Variants in TENM3 observed in about 807,000 individuals in gnomAD.
TENM3 encodes the protein teneurin-3.
In TENM3, 63 loss-of-function variants were observed where a neutral mutation model predicts 255.1. The observed-to-expected ratio is 0.25, with a 90% CI of 0.20 to 0.30. The LOEUF (loss-of-function observed/expected upper bound fraction) is 0.30. Ranked by LOEUF, TENM3 falls within the 10% of genes least tolerant of loss-of-function variation. TENM3 has a pLI of 1.00. For synonymous variants in TENM3, 1,306 were observed against 1,322.3 expected (o/e 0.99, Z 0.27); for missense variants, 2,929 against 3,461.1 (o/e 0.85, Z 3.86).
the TENM3 span, chr4:181,876,933 TAAAG>T: frequency 2.6e-5 from 4 of 152,076 alleles, no homozygotes; most frequent in Non-Finnish European, 4.4e-5. Context: ...AAAAGAAAAA[TAAAG>T]AAATAATTAT....
chr4:182,682,517 A>G (rs979254395), intron 11 of TENM3, among the ~76,000 whole-genome samples: 2 of 152,200 alleles, frequency 1.3e-5, no homozygotes, highest in Non-Finnish European at 2.9e-5. Flanking sequence ...AAGACAAGGT[A>G]ATTTCATTCA....
intron 1 of TENM3, among the ~76,000 whole-genome samples, chr4:182,159,383 G>A (rs1005500164): frequency 7.2e-5 from 11 of 152,132 alleles, no homozygotes; most frequent in African/African-American, 2.4e-4. Context: ...AAGATGAAAT[G>A]AGCTAACACA....
At chr4:182,629,002 G>C (rs893126996) in intron 5 of TENM3, 113 bp downstream of exon 5, 4 of 688,022 alleles carry the variant, frequency 5.8e-6, no homozygotes, top group Non-Finnish European at 9.7e-6. Context: ...TATTTGGTGG[G>C]GGTGAGTTTG....
intron 3 of TENM3, among the ~76,000 whole-genome samples, chr4:182,437,599 C>A (rs1279509762): frequency 3.3e-5 from 5 of 152,116 alleles, no homozygotes; most frequent in Admixed American, 2.0e-4. Context: ...AGTTAGAGAC[C>A]AGCCTGGCCA....
intron 3 of TENM3, among the ~76,000 whole-genome samples, chr4:182,567,943 A>G (rs1159211296): frequency 6.6e-6 from 1 of 152,070 alleles, no homozygotes; most frequent in East Asian, 1.9e-4. Flanking sequence ...CTTCAAAAGT[A>G]TTTCTTCATA....
At chr4:182,753,174 C>T (rs1228135026) in intron 20 of TENM3, among the ~76,000 whole-genome samples, 3 of 152,154 alleles carry the variant, frequency 2.0e-5, no homozygotes, top group African/African-American at 7.2e-5. Context: ...TCTCGAACTC[C>T]TGAGCTCAGG....
the TENM3 span, among the ~76,000 whole-genome samples, chr4:182,064,484 G>C: frequency 6.6e-6 from 1 of 152,130 alleles, no homozygotes; most frequent in Admixed American, 6.5e-5. Flanking sequence ...TCGGGAGGCT[G>C]AGGCAGGAGA....
the TENM3 span, among the ~76,000 whole-genome samples, chr4:181,843,642 A>G: frequency 6.6e-6 from 1 of 152,090 alleles, no homozygotes; most frequent in Admixed American, 6.5e-5. Context: ...TTATAAAGTA[A>G]AGAAATGGAT....
At chr4:181,823,055 C>T in the TENM3 span, among the ~76,000 whole-genome samples, 2 of 152,206 alleles carry the variant, frequency 1.3e-5, no homozygotes, top group South Asian at 2.1e-4. Flanking sequence ...AGATGAGAAG[C>T]GATTAGCATT....
chr4:182,225,445 C>T (rs769749660), intron 1 of TENM3, among the ~76,000 whole-genome samples: 20 of 152,070 alleles, frequency 1.3e-4, no homozygotes, highest in Non-Finnish European at 2.2e-4. Flanking sequence ...TTGCACAGTC[C>T]GATGGGCAAA....
intron 3 of TENM3, among the ~76,000 whole-genome samples, chr4:182,432,421 T>C (rs1771729759): frequency 6.6e-6 from 1 of 152,216 alleles, no homozygotes. Flanking sequence ...GTTAAATGCT[T>C]TGCATGATAT....
At chr4:181,822,215 A>G in the TENM3 span, among the ~76,000 whole-genome samples, 455 of 152,312 alleles carry the variant, frequency 3.0e-3, 1 homozygote, top group South Asian at 5.2e-3. Flanking sequence ...AAATTTGCTC[A>G]CACAGTGAGA....
chr4:181,713,018 C>G, the TENM3 span, among the ~76,000 whole-genome samples: 1 of 152,316 alleles, frequency 6.6e-6, no homozygotes, highest in Admixed American at 6.5e-5. Context: ...TGAACATTCA[C>G]AGGTAAAAAA....
At chr4:181,959,305 T>C in the TENM3 span, among the ~76,000 whole-genome samples, 1 of 152,148 alleles carries the variant, frequency 6.6e-6, no homozygotes, top group Admixed American at 6.6e-5. Flanking sequence ...TGAGTATCTG[T>C]TGACTGCCCG....
At chr4:181,750,782 C>T in the TENM3 span, among the ~76,000 whole-genome samples, 1,434 of 152,234 alleles carry the variant, frequency 9.4e-3, 24 homozygotes, top group African/African-American at 0.031. Context: ...TTCTTAAAAA[C>T]GGTAACAGAT....
the TENM3 span, among the ~76,000 whole-genome samples, chr4:181,625,980 G>T: frequency 6.6e-6 from 1 of 152,046 alleles, no homozygotes; most frequent in Non-Finnish European, 1.5e-5. Context: ...GTCTGCACAG[G>T]CAATGGCAAT....
the TENM3 span, among the ~76,000 whole-genome samples, chr4:182,063,791 T>C: frequency 1.1e-4 from 17 of 152,130 alleles, no homozygotes; most frequent in East Asian, 3.3e-3. Flanking sequence ...ATTAGAACTA[T>C]AAAAAGAAAA....
At chr4:182,721,632 CA>C (rs1422669428) in intron 13 of TENM3, among the ~76,000 whole-genome samples, 10 of 152,048 alleles carry the variant, frequency 6.6e-5, no homozygotes, top group Non-Finnish European at 1.5e-5. Context: ...CTTGCTGGTT[CA>C]AAAGGTATTT....
chr4:181,708,304 TA>T, the TENM3 span, among the ~76,000 whole-genome samples: 1 of 152,200 alleles, frequency 6.6e-6, no homozygotes, highest in Admixed American at 6.5e-5. Context: ...TTCATTATCT[TA>T]AATGATATAA....
Sources: allele counts gnomAD v4.1 joint callset (sites outside exome capture counted in the v4.1 genomes callset), GRCh38; gene constraint gnomAD v4.1.1; transcripts MANE v1.5; gene names NCBI Gene and HGNC (gene_info 2026-07-23, HGNC 2026-07-21).